The following ATXN7 variants were observed in gnomAD, a reference collection of about 807,000 sequenced individuals.
ATXN7 encodes the protein ataxin-7.
A neutral mutation model predicts 70.5 loss-of-function variants in ATXN7; 12 were observed. The ratio of observed to expected loss-of-function variants is 0.17; its 90% CI spans 0.11 to 0.28. The LOEUF (loss-of-function observed/expected upper bound fraction) is 0.28. ATXN7 is among the 10% of genes least tolerant of loss of function. The pLI is 1.00. For missense variants in ATXN7, 1,256 were observed against 1,131.7 expected (o/e 1.11, Z -1.58); for synonymous variants, 498 against 448.7 (o/e 1.11, Z -1.39).
intron 4 of ATXN7, among the ~76,000 whole-genome samples, chr3:63,931,865 C>T (rs1258416053): frequency 6.6e-6 from 1 of 152,018 alleles, no homozygotes; most frequent in Non-Finnish European, 1.5e-5. Flanking sequence ...GAAAGAGAAG[C>T]CTGAAGTTTG....
At chr3:63,978,001 C>CTT (rs1161253961) in intron 5 of ATXN7, among the ~76,000 whole-genome samples, 1 of 152,154 alleles carries the variant, frequency 6.6e-6, no homozygotes, top group African/African-American at 2.4e-5. Flanking sequence ...TTGACAAACC[C>CTT]TTTAGTGCCT....
intron 1 of ATXN7, among the ~76,000 whole-genome samples, chr3:63,896,800 T>C (rs3774709): frequency 0.17 from 25,734 of 152,226 alleles, 2,230 homozygotes; most frequent in Middle Eastern, 0.22. Context: ...TTACAGTATG[T>C]GACTAGTAAG....
chr3:63,949,346 G>A (rs545354917), intron 4 of ATXN7, among the ~76,000 whole-genome samples: 8 of 150,664 alleles, frequency 5.3e-5, no homozygotes, highest in African/African-American at 2.0e-4. Context: ...TGAAAGTGAA[G>A]AATTTAGAAA....
At chr3:63,950,301 CCACAG>C (rs1338994140) in intron 4 of ATXN7, among the ~76,000 whole-genome samples, 2 of 152,124 alleles carry the variant, frequency 1.3e-5, no homozygotes, top group African/African-American at 4.8e-5. Flanking sequence ...GAGGGTTAGT[CCACAG>C]AAGAATCTGG....
intron 8 of ATXN7, among the ~76,000 whole-genome samples, chr3:63,984,685 C>G (rs2075545428): frequency 1.3e-5 from 2 of 152,192 alleles, no homozygotes; most frequent in Admixed American, 1.3e-4. Flanking sequence ...GTGTGCAAGA[C>G]AGTATTGTTG....
chr3:63,989,952 T>C (rs1008828555), intron 9 of ATXN7, among the ~76,000 whole-genome samples: 1 of 152,170 alleles, frequency 6.6e-6, no homozygotes, highest in Non-Finnish European at 1.5e-5. Context: ...TCGTTCTAAG[T>C]TACCTTGATT....
chr3:63,996,617 TAAAAAAAAAAAA>T (rs752406394), intron 12 of ATXN7, 134 bp downstream of exon 12: 13 of 202,726 alleles, frequency 6.4e-5, no homozygotes, highest in South Asian at 2.4e-4. Flanking sequence ...GGTGTCTTCT[TAAAAAAAAAAAA>T]AAAAAAAAAA....
At chr3:63,983,102 C>T in intron 8 of ATXN7, 81 bp downstream of exon 8, 3 of 1,116,450 alleles carry the variant, frequency 2.7e-6, no homozygotes, top group South Asian at 1.2e-5. Flanking sequence ...CCCACAGTCT[C>T]TCTAACCCAG....
At chr3:63,952,527 G>A (rs1189263479) in intron 5 of ATXN7, 44 bp downstream of exon 5, 2 of 1,403,648 alleles carry the variant, frequency 1.4e-6, no homozygotes, top group Non-Finnish European at 2.0e-6. Flanking sequence ...GAAGGTAAAA[G>A]GTAAAGCAAG....
chr3:63,912,960 C>T, intron 3 of ATXN7, 37 bp downstream of exon 3: 1 of 1,335,780 alleles, frequency 7.5e-7, no homozygotes, highest in Non-Finnish European at 1.0e-6. Flanking sequence ...TTCACCCCCT[C>T]GCGACCCCCT....
intron 4 of ATXN7, among the ~76,000 whole-genome samples, chr3:63,933,329 T>C (rs2074592412): frequency 6.6e-6 from 1 of 152,194 alleles, no homozygotes; most frequent in Admixed American, 6.5e-5. Flanking sequence ...CTTAGAGCCC[T>C]GTGATTTTAA....
intron 4 of ATXN7, among the ~76,000 whole-genome samples, chr3:63,914,259 C>T (rs751796570): frequency 3.9e-5 from 6 of 152,202 alleles, no homozygotes; most frequent in Non-Finnish European, 7.3e-5. Flanking sequence ...ATTTCCTTCT[C>T]GCTTTTCACA....
intron 4 of ATXN7, among the ~76,000 whole-genome samples, chr3:63,928,900 C>T (rs1159084587): frequency 6.6e-6 from 1 of 152,174 alleles, no homozygotes; most frequent in Admixed American, 6.5e-5. Flanking sequence ...TAGATAATAG[C>T]AGCAGTAGTG....
intron 4 of ATXN7, among the ~76,000 whole-genome samples, chr3:63,947,385 G>A (rs1256962086): frequency 6.6e-6 from 1 of 152,098 alleles, no homozygotes; most frequent in Admixed American, 6.6e-5. Context: ...AGGAGTTTGA[G>A]ACCATTCTGG....
intron 4 of ATXN7, among the ~76,000 whole-genome samples, chr3:63,930,773 G>T (rs904796444): frequency 6.6e-6 from 1 of 151,930 alleles, no homozygotes; most frequent in African/African-American, 2.4e-5. Context: ...CTCATGATCC[G>T]CCCGCCTTGG....
rs754133408 is a variant in ATXN7 at position 63,988,290 on chromosome 3, A to G, written c.1327A>G (p.Ser443Gly). Residue 443 changes from serine to glycine, a missense_variant, in exon 9 of 13, where the codon AGT becomes GGT. By Grantham distance (56) the Ser-to-Gly change is moderately conservative. Transcript: ENST00000674280. ...IPSESKPFVA[S>G]KPKPHTPSLP... ...TTCCGAATCAAAGCCTTTTGTAGCTAGTAAACCTAAACCTCACACCCCCAG... is the reference window on the plus strand; with the variant it reads ...TTCCGAATCAAAGCCTTTTGTAGCTGGTAAACCTAAACCTCACACCCCCAG... 5.0e-6 allele frequency: 8 copies of G among 1,613,998 alleles called. No individual in the cohort carries two copies. Among genetic ancestry groups the G allele is most frequent in the Non-Finnish European group, 6.8e-6 (8 of 1,180,038 alleles).
At chr3:63,931,689 C>T (rs1358123684) in intron 4 of ATXN7, among the ~76,000 whole-genome samples, 1 of 152,102 alleles carries the variant, frequency 6.6e-6, no homozygotes. Context: ...TAGGTGATCT[C>T]CTTTGTCTCC....
At chr3:63,953,103 T>C (rs1274348050) in intron 5 of ATXN7, among the ~76,000 whole-genome samples, 2 of 152,122 alleles carry the variant, frequency 1.3e-5, no homozygotes, top group Non-Finnish European at 2.9e-5. Flanking sequence ...CCACAGAGTT[T>C]ACAGTCGAAT....
intron 4 of ATXN7, among the ~76,000 whole-genome samples, chr3:63,921,133 G>A (rs1704495745): frequency 6.6e-6 from 1 of 152,168 alleles, no homozygotes; most frequent in Non-Finnish European, 1.5e-5. Flanking sequence ...ACTAGATTAA[G>A]TATTCTTGTT....
Sources: allele counts gnomAD v4.1 joint callset (sites outside exome capture counted in the v4.1 genomes callset), GRCh38; gene constraint gnomAD v4.1.1; transcripts MANE v1.5; gene names NCBI Gene and HGNC (gene_info 2026-07-23, HGNC 2026-07-21).